DAGLA: variants seen among roughly 807,000 people sequenced by gnomAD.
DAGLA encodes diacylglycerol lipase-alpha.
Under a neutral mutation model 102.6 loss-of-function variants are expected in DAGLA, and 22 were observed. The ratio of observed to expected loss-of-function variants is 0.21; its 90% CI spans 0.15 to 0.31. DAGLA has a LOEUF of 0.31. Among genes scored for constraint, DAGLA ranks in the 10% least tolerant of loss-of-function variants. DAGLA has a pLI of 1.00. For missense variants in DAGLA, 927 were observed against 1,446.6 expected (o/e 0.64, Z 5.83); for synonymous variants, 578 against 628.9 (o/e 0.92, Z 1.21).
At position 61,720,761 on chromosome 11, in the gene DAGLA, C is replaced by T. The variant is rs752345548; in HGVS notation, c.178C>T (p.Arg60Cys). 11 of 1,613,824 alleles carry T rather than the reference C, an allele frequency of 6.8e-6. No homozygotes were observed. Among genetic ancestry groups the T allele is most frequent in the African/African-American group, 1.3e-5 (1 of 74,930 alleles). The change falls in exon 3 of 20, where the codon CGC becomes TGC. Residue 60 changes from arginine to cysteine, a missense_variant. This residue lies in a region of DAGLA where 231 missense variants were observed against 439.8 expected (regional missense o/e 0.53). Coordinates refer to ENST00000257215, the MANE Select transcript of DAGLA (RefSeq NM_006133.3). ...ACSLNLVDHG[R>C]GYLGILLSCM... ...CTCCCTGAACCTGGTGGACCACGGCCGCGGCTACCTGGGCATCCTGCTGAG... is the reference window on the plus strand; with the variant it reads ...CTCCCTGAACCTGGTGGACCACGGCTGCGGCTACCTGGGCATCCTGCTGAG...
intron 6 of DAGLA, among the ~76,000 whole-genome samples, chr11:61,727,188 G>A (rs2135589564): frequency 6.6e-6 from 1 of 152,374 alleles, no homozygotes; most frequent in South Asian, 2.1e-4. Context: ...CGTGTGTTGT[G>A]TTGCTTACAC....
At chr11:61,690,966 G>A (rs750910608) in intron 1 of DAGLA, among the ~76,000 whole-genome samples, 2 of 152,174 alleles carry the variant, frequency 1.3e-5, no homozygotes, top group African/African-American at 2.4e-5. Context: ...CGTGGCAGGC[G>A]GCTTTCAGGC....
At chr11:61,708,298 G>A (rs554078355) in intron 1 of DAGLA, among the ~76,000 whole-genome samples, 30 of 150,804 alleles carry the variant, frequency 2.0e-4, no homozygotes, top group Non-Finnish European at 3.8e-4. Context: ...GTGAGCCACC[G>A]CGCCCGACTT....
intron 1 of DAGLA, among the ~76,000 whole-genome samples, chr11:61,692,143 G>C (rs575543809): frequency 6.6e-6 from 1 of 152,164 alleles, no homozygotes; most frequent in Admixed American, 6.5e-5. Context: ...GTGATCGTAC[G>C]TCCAGGCAGA....
chr11:61,726,189 G>A, intron 6 of DAGLA, 107 bp downstream of exon 6: 4 of 1,079,064 alleles, frequency 3.7e-6, no homozygotes, highest in South Asian at 1.3e-5. Context: ...TGGTGGGAAG[G>A]AGCTGGGTTT....
At chr11:61,722,988 C>T (rs1290185491) in intron 4 of DAGLA, 28 bp downstream of exon 4, 2 of 1,559,332 alleles carry the variant, frequency 1.3e-6, no homozygotes, top group South Asian at 1.1e-5. Context: ...CTGCTGGAGC[C>T]TCAGCAGCCC....
chr11:61,737,624 C>T (rs1252170649), intron 14 of DAGLA, 63 bp from the exon 15 acceptor site: 21 of 1,489,420 alleles, frequency 1.4e-5, no homozygotes, highest in Non-Finnish European at 1.9e-5. Flanking sequence ...CTGGGCCCCC[C>T]GATTCCGGAA....
chr11:61,711,806 C>G (rs932457403), intron 1 of DAGLA, among the ~76,000 whole-genome samples: 1 of 152,244 alleles, frequency 6.6e-6, no homozygotes, highest in Non-Finnish European at 1.5e-5. Context: ...GCCTGGAGCA[C>G]AGGCCCTGCA....
Position 61,693,484 on chromosome 11 carries a change from G to A in DAGLA, c.-45+12980G>A, listed in dbSNP as rs111985763. On this transcript the variant is annotated intron_variant, in intron 1 of 19. Transcript: ENST00000257215. Reference sequence around the variant, plus strand: ...CTGCCTCAGCCTCCAGAGTAGCTGGGACTACAGGCGCCCACCACCATGCCC... The same window carrying A: ...CTGCCTCAGCCTCCAGAGTAGCTGGAACTACAGGCGCCCACCACCATGCCC... 1.5e-3 allele frequency among the ~76,000 whole-genome samples: 225 copies of A among 151,470 alleles called. 2 individuals carry two copies. The highest frequency in any genetic ancestry group is 5.3e-3 in the African/African-American group (217 of 41,240).
intron 1 of DAGLA, among the ~76,000 whole-genome samples, chr11:61,695,416 G>A (rs2065057322): frequency 6.6e-6 from 1 of 152,242 alleles, no homozygotes; most frequent in Admixed American, 6.5e-5. Context: ...GCATCCTCGA[G>A]TTCATGTCCC....
rs373392668 is a variant in DAGLA at position 61,743,991 on chromosome 11, C to A, written c.2631C>A (p.Asp877Glu). 42 of 1,612,006 alleles carry A rather than the reference C, an allele frequency of 2.6e-5. No homozygotes were observed. In the African/African-American group the frequency reaches 4.1e-4, roughly 16 times the overall value. The part of the protein sequence containing the change: ...PERPPSAAAN[D>E]EEEEVGGGGG... Reference sequence around the variant, plus strand: ...GGCCCCCCAGTGCTGCGGCCAATGACGAGGAGGAAGAGGTTGGCGGTGGGG... The same window carrying A: ...GGCCCCCCAGTGCTGCGGCCAATGAAGAGGAGGAAGAGGTTGGCGGTGGGG... Residue 877 changes from aspartate (D) to glutamate (E), a missense_variant, in exon 20 of 20, where the codon GAC becomes GAA. This residue lies in a region of DAGLA where 434 missense variants were observed against 503.3 expected (regional missense o/e 0.86). Transcript: ENST00000257215.
At chr11:61,685,017 C>T (rs570424720) in intron 1 of DAGLA, among the ~76,000 whole-genome samples, 1 of 152,238 alleles carries the variant, frequency 6.6e-6, no homozygotes, top group South Asian at 2.1e-4. Flanking sequence ...CTTCTGTGTG[C>T]TACCTGGGGG....
chr11:61,681,224 G>T (rs566420074), intron 1 of DAGLA, among the ~76,000 whole-genome samples: 2 of 152,232 alleles, frequency 1.3e-5, no homozygotes, highest in Non-Finnish European at 2.9e-5. Flanking sequence ...GGGTACACTG[G>T]ACTGAGGAGG....
At chr11:61,731,171 C>T in intron 8 of DAGLA, 146 bp from the exon 9 acceptor site, 1 of 845,538 alleles carries the variant, frequency 1.2e-6, no homozygotes, top group South Asian at 1.8e-5. Flanking sequence ...TCCTCCAAGG[C>T]CTGGGCCCCA....
chr11:61,734,753 A>C lies in DAGLA; in HGVS notation c.975-96A>C. 1 of 1,270,608 alleles carries C rather than the reference A, an allele frequency of 7.9e-7. No individual in the cohort carries two copies. The highest frequency in any genetic ancestry group is 1.1e-6 in the Non-Finnish European group (1 of 899,942). The allele number at this position is 1,270,608 out of a possible 1,614,324, so 78.7% of individuals were successfully genotyped here. On this transcript the variant is annotated intron_variant, in intron 9 of 19. Coordinates refer to ENST00000257215, the MANE Select transcript of DAGLA (RefSeq NM_006133.3). This position sits in a 1 kb window ranked among gnomAD's most constrained non-coding sequence, Gnocchi z 4.2. ...CAATTTGGTAGAGGCAGTGGGGCTG[A>C]ATGCCCAACTGGAACTGGTTCCAGG...
chr11:61,733,416 C>G (rs1206644903), intron 9 of DAGLA, among the ~76,000 whole-genome samples: 3 of 152,362 alleles, frequency 2.0e-5, no homozygotes, highest in South Asian at 4.1e-4. Context: ...GTGGCTTTCT[C>G]AGCAAAGTCT....
At chr11:61,714,785 T>G (rs1439532146) in intron 1 of DAGLA, among the ~76,000 whole-genome samples, 2 of 152,222 alleles carry the variant, frequency 1.3e-5, no homozygotes, top group Non-Finnish European at 2.9e-5. Context: ...AGACTCCTTT[T>G]AACTCTGACC....
chr11:61,710,843 T>C (rs1161908171), intron 1 of DAGLA, among the ~76,000 whole-genome samples: 2 of 152,208 alleles, frequency 1.3e-5, no homozygotes, highest in African/African-American at 4.8e-5. Flanking sequence ...CTGAGCACTT[T>C]ATGTGCGTTA....
chr11:61,714,080 A>C (rs1246102452), intron 1 of DAGLA, among the ~76,000 whole-genome samples: 1 of 152,218 alleles, frequency 6.6e-6, no homozygotes, highest in African/African-American at 2.4e-5. Context: ...TTTGGCAACC[A>C]GGAAGTGTGG....
Sources: gnomAD v4.1 joint callset for allele counts (sites outside exome capture counted in the v4.1 genomes callset) on GRCh38, gnomAD v4.1.1 for gene constraint, gnomAD v4.1.1 regional missense constraint, Gnocchi (gnomAD v3.1) non-coding constraint, MANE v1.5 for transcripts, NCBI Gene and HGNC (gene_info 2026-07-23, HGNC 2026-07-21) for gene names.